Variants in FRMD4B observed in about 807,000 individuals in gnomAD.
FRMD4B encodes the protein FERM domain containing 4B.
In FRMD4B, 74 loss-of-function variants were observed where a neutral mutation model predicts 141.5. That is an observed-to-expected ratio of 0.52 (90% CI 0.43 to 0.63). The LOEUF is 0.63. FRMD4B is among the 30% of genes least tolerant of loss of function. The pLI is 0.00. For missense variants in FRMD4B, 1,366 were observed against 1,253.4 expected (o/e 1.09, Z -1.36); for synonymous variants, 506 against 467.9 (o/e 1.08, Z -1.05).
chr3:69,335,714 T>C (rs1702526503), intron 1 of FRMD4B, among the ~76,000 whole-genome samples: 1 of 150,936 alleles, frequency 6.6e-6, no homozygotes, highest in South Asian at 2.1e-4. Flanking sequence ...TTATATCTTA[T>C]CTGCTGGGCA....
At chr3:69,495,483 A>G (rs865892435) in intron 1 of FRMD4B, among the ~76,000 whole-genome samples, 7 of 152,024 alleles carry the variant, frequency 4.6e-5, no homozygotes, top group Non-Finnish European at 2.9e-5. Context: ...GGGCTGTGTC[A>G]CTCTCTATCG....
chr3:69,316,020 C>T (rs1701794202), intron 1 of FRMD4B, among the ~76,000 whole-genome samples: 2 of 152,188 alleles, frequency 1.3e-5, no homozygotes, highest in East Asian at 1.9e-4. Flanking sequence ...TTACTATCCC[C>T]ATTTAACAGC....
intron 1 of FRMD4B, among the ~76,000 whole-genome samples, chr3:69,454,512 G>A (rs547268288): frequency 1.2e-4 from 18 of 152,288 alleles, no homozygotes; most frequent in African/African-American, 2.4e-4. Context: ...GGGTGGGCTC[G>A]GCAGGCCCTG....
intron 7 of FRMD4B, among the ~76,000 whole-genome samples, chr3:69,237,476 T>C (rs1217187331): frequency 6.6e-6 from 1 of 152,272 alleles, no homozygotes; most frequent in Non-Finnish European, 1.5e-5. Context: ...CCACTGTTTC[T>C]GTGAGAGGTG....
intron 1 of FRMD4B, among the ~76,000 whole-genome samples, chr3:69,475,478 T>C (rs940009267): frequency 6.6e-6 from 1 of 151,960 alleles, no homozygotes; most frequent in Non-Finnish European, 1.5e-5. Flanking sequence ...GTTCTTACGA[T>C]AGTTTACTGA....
chr3:69,456,234 A>G (rs942329271), intron 1 of FRMD4B, among the ~76,000 whole-genome samples: 4 of 120,232 alleles, frequency 3.3e-5, no homozygotes, highest in Admixed American at 8.2e-5. Flanking sequence ...CATGAAACTC[A>G]AAGTGTTTGC....
At chr3:69,387,476 A>G (rs1279520636), upstream of FRMD4B, among the ~76,000 whole-genome samples, 1 of 152,166 alleles carries the variant, frequency 6.6e-6, no homozygotes, top group Non-Finnish European at 1.5e-5. Context: ...AGCAAATTTC[A>G]GGATGGAGTT....
In FRMD4B at chr3:69,348,786, C is replaced by G. The variant is rs538892885; in HGVS notation, c.163-35269G>C. Among the ~76,000 whole-genome samples, 6 of 152,276 alleles carry G rather than the reference C, an allele frequency of 3.9e-5. No homozygotes were observed. The South Asian group carries it at 1.2e-3, about 32-fold the overall frequency. On this transcript the variant is annotated intron_variant, in intron 1 of 22. Coordinates refer to ENST00000398540, the MANE Select transcript of FRMD4B (RefSeq NM_015123.3). ...AACGCCTTTGACAAAATTCAACAGCCCTTTATGCTAAAAACTCTCAATAAA... is the reference window on the plus strand; with the variant it reads ...AACGCCTTTGACAAAATTCAACAGCGCTTTATGCTAAAAACTCTCAATAAA...
At chr3:69,215,873 G>A (rs951713405) in intron 11 of FRMD4B, among the ~76,000 whole-genome samples, 1 of 152,178 alleles carries the variant, frequency 6.6e-6, no homozygotes, top group African/African-American at 2.4e-5. Flanking sequence ...AAACCTAATG[G>A]TGTGTGCTTG....
At chr3:69,172,099 T>C (rs1339606368) in intron 22 of FRMD4B, 118 bp from the exon 23 acceptor site, 1 of 852,658 alleles carries the variant, frequency 1.2e-6, no homozygotes. Context: ...TTTCCCAAAA[T>C]GTAGAGATAA....
chr3:69,452,707 T>C (rs895124022), intron 1 of FRMD4B, among the ~76,000 whole-genome samples: 1 of 152,184 alleles, frequency 6.6e-6, no homozygotes, highest in Non-Finnish European at 1.5e-5. Context: ...TGAGACTATA[T>C]AGCAAATAGC....
chr3:69,186,463 G>C (rs1355634699), intron 19 of FRMD4B, among the ~76,000 whole-genome samples: 1 of 152,064 alleles, frequency 6.6e-6, no homozygotes, highest in Non-Finnish European at 1.5e-5. Flanking sequence ...TGTAATCCCA[G>C]CACTTTGGGA....
chr3:69,297,514 G>A (rs1030009407), intron 4 of FRMD4B, among the ~76,000 whole-genome samples: 4 of 152,294 alleles, frequency 2.6e-5, no homozygotes, highest in Admixed American at 6.5e-5. Context: ...AAATAATAAA[G>A]GGGATGAAAG....
intron 1 of FRMD4B, chr3:69,472,414 A>G: frequency 2.1e-6 from 1 of 485,538 alleles, no homozygotes; most frequent in Non-Finnish European, 4.1e-6. Context: ...CTCTTCACTA[A>G]TATGGCCAAT....
chr3:69,521,996 TG>T (rs1428217197), intron 1 of FRMD4B, among the ~76,000 whole-genome samples: 2 of 152,234 alleles, frequency 1.3e-5, no homozygotes, highest in Non-Finnish European at 2.9e-5. Flanking sequence ...AATCAATGAA[TG>T]CACCCTTTAG....
intron 5 of FRMD4B, among the ~76,000 whole-genome samples, chr3:69,278,309 T>C (rs887697225): frequency 2.0e-5 from 3 of 152,222 alleles, no homozygotes; most frequent in African/African-American, 7.2e-5. Context: ...TTATTTGTTT[T>C]TCTTTTTAGA....
chr3:69,486,372 C>T (rs2107006634), intron 1 of FRMD4B, among the ~76,000 whole-genome samples: 1 of 152,306 alleles, frequency 6.6e-6, no homozygotes, highest in African/African-American at 2.4e-5. Context: ...TCGCCCCTCT[C>T]CCACTCCTCC....
intron 2 of FRMD4B, among the ~76,000 whole-genome samples, chr3:69,422,171 C>T (rs1377264163): frequency 6.6e-6 from 1 of 152,114 alleles, no homozygotes; most frequent in Non-Finnish European, 1.5e-5. Flanking sequence ...GGGCAGACCA[C>T]TTGAGGTCAG....
chr3:69,174,146 A>G (rs959199437), intron 22 of FRMD4B, among the ~76,000 whole-genome samples: 120 of 152,000 alleles, frequency 7.9e-4, no homozygotes, highest in African/African-American at 2.9e-3. Context: ...TGGGAAGAAA[A>G]AAAAAAAAAT....
Sources: allele counts gnomAD v4.1 joint callset (sites outside exome capture counted in the v4.1 genomes callset), GRCh38; gene constraint gnomAD v4.1.1; transcripts MANE v1.5; gene names NCBI Gene and HGNC (gene_info 2026-07-23, HGNC 2026-07-21).